Variants in MTM1 observed in about 807,000 individuals in gnomAD.
The protein encoded by MTM1 is myotubularin.
A neutral mutation model predicts 52.1 loss-of-function variants in MTM1; 9 were observed. That is an observed-to-expected ratio of 0.17 (90% confidence interval 0.10 to 0.30). The LOEUF is 0.30. Ranked by LOEUF, MTM1 falls within the 10% of genes least tolerant of loss-of-function variation. MTM1 has a pLI of 1.00. For synonymous variants in MTM1, 136 were observed against 163.8 expected, an observed-to-expected ratio of 0.83 and a Z score of 1.29; for missense variants, 277 against 470.7, an observed-to-expected ratio of 0.59 and a Z score of 3.81.
Position 150,615,077 on chromosome X carries a change from C to T in MTM1, c.342+378C>T, listed in dbSNP as rs192879597. Reference sequence around the variant, plus strand: ...TAGAAGAGATTTTGCCCTCTGTTAACGGGATGTGTCCTTACCTCTAATAAC... The same window carrying T: ...TAGAAGAGATTTTGCCCTCTGTTAATGGGATGTGTCCTTACCTCTAATAAC... On this transcript the variant is annotated intron_variant, in intron 5 of 14. Coordinates refer to ENST00000370396, the MANE Select transcript of MTM1 (RefSeq NM_000252.3). 9.8e-5 allele frequency among the ~76,000 whole-genome samples: 11 copies of T among 111,845 alleles called. No homozygotes were observed. In the East Asian group the frequency reaches 1.4e-3, roughly 14 times the overall value.
At chrX:150,597,303 T>C (rs16996656) in intron 3 of MTM1, among the ~76,000 whole-genome samples, 1,142 of 112,046 alleles carry the variant, frequency 0.01, 15 homozygotes, top group African/African-American at 0.034. Flanking sequence ...TCGTGCTAAT[T>C]AGATGGCGGG....
At chrX:150,631,043 T>C (rs1353200677) in intron 6 of MTM1, among the ~76,000 whole-genome samples, 1 of 111,963 alleles carries the variant, frequency 8.9e-6, no homozygotes, top group Non-Finnish European at 1.9e-5. Flanking sequence ...GTGTCCACAG[T>C]GTTTATTGGG....
chrX:150,648,154 T>C (rs958706584), intron 9 of MTM1, among the ~76,000 whole-genome samples: 1 of 111,646 alleles, frequency 9.0e-6, no homozygotes, highest in Non-Finnish European at 1.9e-5. Flanking sequence ...TTACCAGTGA[T>C]ACTATTTAGA....
intron 1 of MTM1, among the ~76,000 whole-genome samples, chrX:150,572,198 C>T (rs934979562): frequency 1.8e-5 from 2 of 111,950 alleles, no homozygotes; most frequent in East Asian, 2.8e-4. Context: ...CTGGACAAGT[C>T]ATTTAACCTT....
At chrX:150,657,619 TAAAA>T (rs112119260) in intron 10 of MTM1, among the ~76,000 whole-genome samples, 198 bp from the exon 11 acceptor site, 1 of 107,758 alleles carries the variant, frequency 9.3e-6, no homozygotes, top group African/African-American at 3.3e-5. Flanking sequence ...AAGTATAATT[TAAAA>T]AAAAAAGAAG....
At chrX:150,573,170 A>G (rs1557411514) in intron 1 of MTM1, among the ~76,000 whole-genome samples, 1 of 112,556 alleles carries the variant, frequency 8.9e-6, no homozygotes, top group Non-Finnish European at 1.9e-5. Flanking sequence ...ATTGTAACCA[A>G]TTCTGTTGCA....
At chrX:150,663,752 A>G (rs1399130989) in intron 14 of MTM1, 143 bp downstream of exon 14, 1 of 564,213 alleles carries the variant, frequency 1.8e-6, no homozygotes, top group Non-Finnish European at 2.9e-6. Context: ...ACCTTAATTT[A>G]AATTTTTTTT....
rs1430447786 is a variant in MTM1 at position 150,649,739 on chromosome X, T to G, written c.891T>G (p.Ser297Arg). 1 of 1,207,529 alleles carries G rather than the reference T, an allele frequency of 8.3e-7. No individual in the cohort carries two copies. The highest frequency in any genetic ancestry group is 2.2e-5 in the Admixed American group (1 of 45,726). ...ANKATGGGYESDDAYHNAELF... is the reference protein window; with the variant it reads ...ANKATGGGYERDDAYHNAELF... Reference sequence around the variant, plus strand: ...AGGCAACAGGAGGAGGATATGAAAGTGATGATGCATATCATAACGCCGAAC... The same window carrying G: ...AGGCAACAGGAGGAGGATATGAAAGGGATGATGCATATCATAACGCCGAAC... The change falls in exon 10 of 15, where the codon AGT becomes AGG. Residue 297 changes from serine (S) to arginine (R), a missense_variant. This residue lies in a region of MTM1 where 164 missense variants were observed against 283.3 expected (regional missense o/e 0.58). Transcript: ENST00000370396.
At chrX:150,625,669 C>G (rs2039555309) in intron 6 of MTM1, among the ~76,000 whole-genome samples, 1 of 112,397 alleles carries the variant, frequency 8.9e-6, no homozygotes, top group Non-Finnish European at 1.9e-5. Context: ...GGAAACATGG[C>G]TCATTCAGGT....
At chrX:150,637,703 A>G (rs2148484103) in intron 6 of MTM1, among the ~76,000 whole-genome samples, 1 of 112,196 alleles carries the variant, frequency 8.9e-6, no homozygotes, top group African/African-American at 3.2e-5. Flanking sequence ...GATGTGAGAG[A>G]AGACAAGAAG....
intron 14 of MTM1, among the ~76,000 whole-genome samples, chrX:150,670,879 C>G (rs2040385113): frequency 8.9e-6 from 1 of 112,167 alleles, no homozygotes. Flanking sequence ...GGTGGAGAAA[C>G]TGGTTTATTC....
intron 6 of MTM1, among the ~76,000 whole-genome samples, chrX:150,622,222 A>G (rs998029378): frequency 1.5e-4 from 16 of 108,826 alleles, no homozygotes; most frequent in African/African-American, 5.4e-4. Context: ...AGTCAACTGA[A>G]TTGCTCATAT....
chrX:150,608,891 G>A (rs2039222548), intron 4 of MTM1, among the ~76,000 whole-genome samples: 1 of 110,662 alleles, frequency 9.0e-6, no homozygotes, highest in Non-Finnish European at 1.9e-5. Context: ...GGGCAATGGT[G>A]TGATCTCGGC....
chrX:150,574,909 G>A (rs2038442531), intron 1 of MTM1, among the ~76,000 whole-genome samples: 1 of 111,930 alleles, frequency 8.9e-6, no homozygotes, highest in African/African-American at 3.3e-5. Flanking sequence ...ATCGCTTTGA[G>A]GTAAAAACTG....
chrX:150,625,783 C>T lies in MTM1; in HGVS notation c.444+6644C>T, dbSNP rs781971825. ...GAACTGATTAGCAGTCATATAGTTG[C>T]GAAATTTTTGTTTTCGTGTGTGTGG... On this transcript the variant is annotated intron_variant, in intron 6 of 14. Coordinates refer to ENST00000370396, the MANE Select transcript of MTM1 (RefSeq NM_000252.3). 6.2e-5 allele frequency among the ~76,000 whole-genome samples: 7 copies of T among 112,306 alleles called. No individual in the cohort carries two copies. The East Asian group carries it at 8.4e-4, about 13-fold the overall frequency.
At chrX:150,613,684 C>T (rs1557413066) in intron 4 of MTM1, among the ~76,000 whole-genome samples, 1 of 111,800 alleles carries the variant, frequency 8.9e-6, no homozygotes, top group Non-Finnish European at 1.9e-5. Context: ...TATCCTGGAA[C>T]GGTTGTGAGG....
intron 4 of MTM1, among the ~76,000 whole-genome samples, chrX:150,610,260 T>C (rs2039250841): frequency 9.0e-6 from 1 of 111,313 alleles, no homozygotes. Flanking sequence ...CAACCTGGCA[T>C]TGTAGTTACT....
At chrX:150,669,659 G>A (rs1471859106) in intron 14 of MTM1, among the ~76,000 whole-genome samples, 5 of 112,268 alleles carry the variant, frequency 4.5e-5, no homozygotes, top group African/African-American at 1.6e-4. Flanking sequence ...TGGCCGCATT[G>A]TGTGTCTTCT....
In MTM1 at chrX:150,585,481, T is replaced by G. The variant is rs375226801; in HGVS notation, c.-10-7124T>G. ...ATCATAGTTATAACTATTTATACGT[T>G]TCTATTCTTCAACAATTACTGTTTT... On this transcript the variant is annotated intron_variant, in intron 1 of 14. Transcript: ENST00000370396. 5.3e-5 allele frequency among the ~76,000 whole-genome samples: 6 copies of G among 112,738 alleles called. No individual in the cohort carries two copies. In the East Asian group the frequency reaches 1.7e-3, roughly 31 times the overall value.
Sources: allele counts gnomAD v4.1 joint callset (sites outside exome capture counted in the v4.1 genomes callset), GRCh38; gene constraint gnomAD v4.1.1; regional missense constraint gnomAD v4.1.1; transcripts MANE v1.5; gene names NCBI Gene and HGNC (gene_info 2026-07-23, HGNC 2026-07-21).